OLFM1: variants seen among roughly 807,000 people sequenced by gnomAD.
OLFM1 encodes olfactomedin 1.
In OLFM1, 9 loss-of-function variants were observed where a neutral mutation model predicts 49.7. The observed-to-expected ratio is 0.18, with a 90% CI of 0.11 to 0.32. The LOEUF (loss-of-function observed/expected upper bound fraction) is 0.32, where lower values mean the gene tolerates loss of function less well. OLFM1 is among the 10% of genes least tolerant of loss of function. The pLI, the probability that OLFM1 is intolerant of heterozygous loss-of-function variation, is 1.00. For synonymous variants in OLFM1, 240 were observed against 271.8 expected (o/e 0.88, Z 1.15); for missense variants, 369 against 661.8 (o/e 0.56, Z 4.85).
Position 135,088,282 on chromosome 9 carries a change from C to T in OLFM1, c.150+143C>T, listed in dbSNP as rs1338891667. 3.9e-6 allele frequency: 3 copies of T among 772,686 alleles called. No individual in the cohort carries two copies. The highest frequency in any genetic ancestry group is 1.8e-5 in the African/African-American group (1 of 54,406). 47.9% of individuals were successfully genotyped at this position (772,686 alleles called of 1,614,324 possible). On this transcript the variant is annotated intron_variant, in intron 1 of 5. Transcript: ENST00000371793. The surrounding 1 kb of genome is among the most constrained non-coding windows in gnomAD (Gnocchi z 4.8). The stretch of plus-strand genomic sequence containing the variant: ...CGGCGGGGAGCAGGGCGGGCAAGGG[C>T]AGGCGTCGCGGGCCGGCGCAGCGGT...
chr9:135,119,485 G>T lies in OLFM1; in HGVS notation c.784-19G>T. 2 of 1,570,102 alleles carry T rather than the reference G, an allele frequency of 1.3e-6. No homozygotes were observed. Among genetic ancestry groups the T allele is most frequent in the Non-Finnish European group, 1.7e-6 (2 of 1,157,830 alleles). On this transcript the variant is annotated intron_variant, in intron 5 of 5. Coordinates refer to ENST00000371793, the MANE Select transcript of OLFM1 (RefSeq NM_001282611.2). ...TGGGTCTTTGGAAGTGCTCACCACC[G>T]GGTCTGCTCTCTCCACAGGTGTGGT...
intron 4 of OLFM1, among the ~76,000 whole-genome samples, chr9:135,103,391 G>T (rs928850698): frequency 2.0e-5 from 3 of 152,258 alleles, no homozygotes; most frequent in African/African-American, 7.2e-5. Flanking sequence ...AGGAGGGCAG[G>T]TGGCCTCCAG....
rs62573452 is a variant in OLFM1, at chr9:135,113,684, C to T, written c.784-5820C>T. Among the ~76,000 whole-genome samples, 298 of 152,336 alleles carry T rather than the reference C, an allele frequency of 2.0e-3. 1 individual carries two copies. The highest frequency in any genetic ancestry group is 6.3e-3 in the Admixed American group (96 of 15,304). Reference sequence around the variant, plus strand: ...AGGCCAGAAAGCTTTGGCAGACCCACGGTGTGCCCTGAGCTGAGTGGGGGT... The same window carrying T: ...AGGCCAGAAAGCTTTGGCAGACCCATGGTGTGCCCTGAGCTGAGTGGGGGT... On this transcript the variant is annotated intron_variant, in intron 5 of 5. Transcript: ENST00000371793. This position sits in a 1 kb window ranked among gnomAD's most constrained non-coding sequence, Gnocchi z 4.0.
At chr9:135,077,150 GCACA>G (rs147807021) in intron 1 of OLFM1, 14 of 1,508,570 alleles carry the variant, frequency 9.3e-6, no homozygotes, top group East Asian at 2.6e-5. Flanking sequence ...TCATTCATGT[GCACA>G]CACACACACA....
At chr9:135,087,461 G>T, upstream of OLFM1, 1 of 1,533,464 alleles carries the variant, frequency 6.5e-7, no homozygotes, top group African/African-American at 1.4e-5. Flanking sequence ...TGATCTGGGG[G>T]TGGTGGTGTG....
Position 135,087,886 on chromosome 9 carries a change from C to G in OLFM1, c.-104C>G, listed in dbSNP as rs1483844306. ...GGCGGGCCGAGGGGGCGCGGGGACA[C>G]AGCCAGGCGCCCCTGCCCGCCGCGG... On this transcript the variant is annotated 5_prime_UTR_variant, in exon 1 of 6. Coordinates refer to ENST00000371793, the MANE Select transcript of OLFM1 (RefSeq NM_001282611.2). 9.5e-7 allele frequency: 1 copy of G among 1,053,184 alleles called. No individual in the cohort carries two copies. The highest frequency in any genetic ancestry group is 1.1e-6 in the Non-Finnish European group (1 of 873,466). The allele number at this position is 1,053,184 out of a possible 1,614,324, so 65.2% of individuals were successfully genotyped here.
intron 1 of OLFM1, chr9:135,075,871 G>T: frequency 6.7e-7 from 1 of 1,495,854 alleles, no homozygotes. Flanking sequence ...GCCCCACAAA[G>T]TCCGGGAACG....
At chr9:135,116,512 GGTAC>G (rs1426440882) in intron 5 of OLFM1, among the ~76,000 whole-genome samples, 1 of 152,048 alleles carries the variant, frequency 6.6e-6, no homozygotes, top group African/African-American at 2.4e-5. Context: ...CTGGACCCAG[GGTAC>G]AGGGGTGAGT....
chr9:135,079,553 C>T (rs890565168), intron 1 of OLFM1, among the ~76,000 whole-genome samples: 1 of 151,904 alleles, frequency 6.6e-6, no homozygotes, highest in Non-Finnish European at 1.5e-5. Context: ...TGCAGTGAGC[C>T]GAGACTGCAC....
chr9:135,092,245 C>G (rs546667701), intron 2 of OLFM1, among the ~76,000 whole-genome samples: 1 of 152,242 alleles, frequency 6.6e-6, no homozygotes, highest in South Asian at 2.1e-4. Context: ...CTAGAGGTTT[C>G]GAGTGCCCAC....
intron 2 of OLFM1, among the ~76,000 whole-genome samples, chr9:135,091,271 C>T (rs1004256307): frequency 6.6e-6 from 1 of 152,214 alleles, no homozygotes; most frequent in Non-Finnish European, 1.5e-5. Context: ...TCTGGGGGCC[C>T]CATAGGAGAG....
Position 135,088,195 on chromosome 9 carries a change from C to G in OLFM1, c.150+56C>G, listed in dbSNP as rs1020156796. ...GCTCCTCCTCCTCCTCCTCCTCCCC[C>G]TCCTCGGTCCGGAGCCCCGGGCTGG... On this transcript the variant is annotated intron_variant, in intron 1 of 5. Coordinates refer to ENST00000371793, the MANE Select transcript of OLFM1 (RefSeq NM_001282611.2). The surrounding 1 kb of genome is among the most constrained non-coding windows in gnomAD (Gnocchi z 4.8). 1.9e-5 allele frequency: 24 copies of G among 1,247,360 alleles called. No individual in the cohort carries two copies. Among genetic ancestry groups the G allele is most frequent in the Middle Eastern group, 5.7e-4 (2 of 3,502 alleles). The allele number at this position is 1,247,360 out of a possible 1,614,324, so 77.3% of individuals were successfully genotyped here.
At chr9:135,076,540 G>C (rs1299019386) in intron 1 of OLFM1, 8 of 1,198,228 alleles carry the variant, frequency 6.7e-6, no homozygotes, top group South Asian at 3.4e-5. Context: ...GCAGGTCTTG[G>C]GGGAGGAGAA....
intron 1 of OLFM1, among the ~76,000 whole-genome samples, chr9:135,081,675 C>A (rs1044211146): frequency 3.3e-5 from 5 of 152,178 alleles, no homozygotes; most frequent in African/African-American, 1.2e-4. Context: ...AACTTGAGAT[C>A]CAAGAAGTCA....
upstream of OLFM1, among the ~76,000 whole-genome samples, chr9:135,085,120 G>A (rs942370711): frequency 3.9e-5 from 6 of 152,204 alleles, no homozygotes; most frequent in African/African-American, 1.4e-4. Flanking sequence ...AGGCCTGTAG[G>A]GGGCTGGCAT....
rs148932487 is a variant in OLFM1 at position 135,117,883 on chromosome 9, C to G, written c.784-1621C>G. Among the ~76,000 whole-genome samples the G allele has an allele frequency of 9.8e-5, 15 of 152,376 alleles. No homozygotes were observed. Among genetic ancestry groups the G allele is most frequent in the African/African-American group, 2.9e-4 (12 of 41,594 alleles). ...ATTCCCACTAGATCCTTTCTTCAAA[C>G]TGTGTGTTCCCATCTCACCTTCCCA... On this transcript the variant is annotated intron_variant, in intron 5 of 5. Transcript: ENST00000371793. This position sits in a 1 kb window ranked among gnomAD's most constrained non-coding sequence, Gnocchi z 5.5.
At chr9:135,090,965 A>G (rs574052179) in intron 2 of OLFM1, among the ~76,000 whole-genome samples, 26 of 152,376 alleles carry the variant, frequency 1.7e-4, no homozygotes, top group Admixed American at 3.9e-4. Flanking sequence ...TTTGCATAAC[A>G]TATTTTGAAT....
rs1831136905 is a variant in OLFM1, at chr9:135,118,750, ACTGGGTCTTTGGAGTGCTCG to A, written c.784-752_784-733del. ...TACTCACTGGGTCTCTGGAGTGCTC[ACTGGGTCTTTGGAGTGCTCG>A]CCGTGTCTTTGGAGTGCTCGCCGTG... is the stretch of plus-strand genomic sequence containing the variant. On this transcript the variant is annotated intron_variant, in intron 5 of 5. Coordinates refer to ENST00000371793, the MANE Select transcript of OLFM1 (RefSeq NM_001282611.2). 1.4e-5 allele frequency among the ~76,000 whole-genome samples: 2 copies of A among 142,482 alleles called. 1 individual carries two copies. The allele number at this position is 142,482 out of a possible 152,430, so 93.5% of individuals were successfully genotyped here.
Position 135,096,616 on chromosome 9 carries a change from G to A in OLFM1, c.456+597G>A, listed in dbSNP as rs117251848. Among the ~76,000 whole-genome samples the A allele has an allele frequency of 7.7e-3, 1,180 of 152,328 alleles. 11 individuals carry two copies. The highest frequency in any genetic ancestry group is 0.014 in the Middle Eastern group (4 of 294). ...GGAAGCCAGGGGTCTGAGATCCTGC[G>A]CTGCCCGAGCCAAGTCGAATATTAG... On this transcript the variant is annotated intron_variant, in intron 3 of 5. Coordinates refer to ENST00000371793, the MANE Select transcript of OLFM1 (RefSeq NM_001282611.2).
Sources: gnomAD v4.1 joint callset for allele counts (sites outside exome capture counted in the v4.1 genomes callset) on GRCh38, gnomAD v4.1.1 for gene constraint, Gnocchi (gnomAD v3.1) non-coding constraint, MANE v1.5 for transcripts, NCBI Gene and HGNC (gene_info 2026-07-23, HGNC 2026-07-21) for gene names.